The following OPRM1 variants were observed in gnomAD, a reference collection of about 807,000 sequenced individuals.
The protein encoded by OPRM1 is mu-type opioid receptor.
In OPRM1, 27 loss-of-function variants were observed where a neutral mutation model predicts 31.8. The ratio of observed to expected loss-of-function variants is 0.85; its 90% CI spans 0.63 to 1.17. OPRM1 has a LOEUF of 1.17. Ranked by LOEUF, OPRM1 falls within the 50% of genes most tolerant of loss-of-function variation. OPRM1 has a pLI of 0.00. For synonymous variants in OPRM1, 196 were observed against 189.9 expected, an observed-to-expected ratio of 1.03 and a Z score of -0.26; for missense variants, 536 against 511.1, an observed-to-expected ratio of 1.05 and a Z score of -0.47.
chr6:154,142,053 G>A (rs1232720522), intron 3 of OPRM1, among the ~76,000 whole-genome samples: 2 of 152,152 alleles, frequency 1.3e-5, no homozygotes. Flanking sequence ...GCATTTGAAA[G>A]TTGGAAAAGA....
intron 3 of OPRM1, among the ~76,000 whole-genome samples, chr6:154,140,433 C>T (rs540220836): frequency 1.3e-5 from 2 of 152,008 alleles, no homozygotes; most frequent in South Asian, 2.1e-4. Context: ...CAGGTTCAAG[C>T]GATTCTCCTG....
At chr6:154,232,913 A>G (rs1014057562) in intron 3 of OPRM1, among the ~76,000 whole-genome samples, 1 of 152,174 alleles carries the variant, frequency 6.6e-6, no homozygotes, top group Non-Finnish European at 1.5e-5. Flanking sequence ...GGTGAAAAGA[A>G]AACAAAAGAG....
intron 1 of OPRM1, among the ~76,000 whole-genome samples, chr6:154,016,904 C>G (rs1325703063): frequency 6.6e-6 from 1 of 152,038 alleles, no homozygotes; most frequent in Non-Finnish European, 1.5e-5. Context: ...TCTCTGAAAA[C>G]AAACAGAAAA....
At chr6:154,186,516 T>C (rs1162873252) in intron 3 of OPRM1, among the ~76,000 whole-genome samples, 3 of 151,884 alleles carry the variant, frequency 2.0e-5, no homozygotes, top group Non-Finnish European at 4.4e-5. Flanking sequence ...AGATGCTCCC[T>C]CATGTCCGTG....
At chr6:154,169,867 G>A (rs557829870) in intron 3 of OPRM1, among the ~76,000 whole-genome samples, 1 of 152,338 alleles carries the variant, frequency 6.6e-6, no homozygotes, top group Non-Finnish European at 1.5e-5. Flanking sequence ...CCAAGACTTT[G>A]GAGTATCAGA....
At chr6:154,051,938 CAATG>C (rs1172061592) in intron 1 of OPRM1, among the ~76,000 whole-genome samples, 3 of 152,060 alleles carry the variant, frequency 2.0e-5, no homozygotes, top group Admixed American at 2.0e-4. Flanking sequence ...AAATGCCCAT[CAATG>C]ATAGGTTGGA....
chr6:154,203,080 A>G (rs1777201718), intron 3 of OPRM1, among the ~76,000 whole-genome samples: 1 of 152,206 alleles, frequency 6.6e-6, no homozygotes, highest in African/African-American at 2.4e-5. Flanking sequence ...TATTTCTAAC[A>G]TTCTGGAGAA....
chr6:154,117,858 G>GGTGTGTGTGTGTGTGTGTGT (rs60794328), intron 3 of OPRM1, among the ~76,000 whole-genome samples: 89 of 145,656 alleles, frequency 6.1e-4, no homozygotes, highest in African/African-American at 1.4e-3. Context: ...TTAAAAAGAT[G>GGTGTGTGTGTGTGTGTGTGT]GTGTGTGTGT....
intron 3 of OPRM1, chr6:154,110,359 T>C (rs780125425): frequency 1.7e-5 from 25 of 1,430,916 alleles, no homozygotes; most frequent in East Asian, 2.5e-5. Context: ...TTGCAGAAAA[T>C]AGATTTATTT....
intron 1 of OPRM1, among the ~76,000 whole-genome samples, chr6:154,061,075 A>G (rs1784303249): frequency 6.6e-6 from 1 of 152,214 alleles, no homozygotes; most frequent in Admixed American, 6.6e-5. Flanking sequence ...TGGAAACTAG[A>G]TACATGGCAG....
downstream of OPRM1, among the ~76,000 whole-genome samples, chr6:154,133,238 T>C (rs1379068086): frequency 1.3e-5 from 2 of 152,232 alleles, no homozygotes; most frequent in Non-Finnish European, 2.9e-5. Flanking sequence ...TATGTCCCTA[T>C]ATGTAAAAAT....
Position 154,039,686 on chromosome 6 carries a change from A to C in OPRM1, c.142A>C (p.Asn48His). 6.2e-7 allele frequency: 1 copy of C among 1,614,012 alleles called. No homozygotes were observed. Among genetic ancestry groups the C allele is most frequent in the Admixed American group, 1.7e-5 (1 of 60,024 alleles). ...CAACCTGTCCGACCCATGCGGTCCG[A>C]ACCGCACCGACCTGGGCGGGAGAGA... ...DGNLSDPCGP[N>H]RTDLGGRDSL... The change falls in exon 1 of 4, where the codon AAC (asparagine) becomes CAC (histidine). Residue 48 changes from asparagine to histidine, a missense_variant. Coordinates refer to ENST00000330432, the MANE Select transcript of OPRM1 (RefSeq NM_000914.5).
At chr6:154,197,772 T>A (rs1776732684) in intron 3 of OPRM1, among the ~76,000 whole-genome samples, 1 of 152,328 alleles carries the variant, frequency 6.6e-6, no homozygotes, top group South Asian at 2.1e-4. Flanking sequence ...TGGGAAAGAA[T>A]GCAAATGGGA....
In OPRM1 at chr6:154,118,829, C is replaced by G. The variant is rs986844324; in HGVS notation, c.*108C>G. 4 of 1,546,636 alleles carry G rather than the reference C, an allele frequency of 2.6e-6. No individual in the cohort carries two copies. The highest frequency in any genetic ancestry group is 2.7e-5 in the African/African-American group (2 of 72,846). ...AGGCTCTAATTCTCTAGGAAAGTGC[C>G]TGCTTTTAGGTCATCCAACCTCTTT... On this transcript the variant is annotated 3_prime_UTR_variant, in exon 4 of 4. Coordinates refer to ENST00000330432, the MANE Select transcript of OPRM1 (RefSeq NM_000914.5).
At chr6:154,031,462 C>T (rs553244831) in intron 1 of OPRM1, among the ~76,000 whole-genome samples, 17 of 152,112 alleles carry the variant, frequency 1.1e-4, no homozygotes, top group East Asian at 3.9e-4. Context: ...TGGCTGGGTG[C>T]GGTGGCTCAC....
intron 3 of OPRM1, chr6:154,167,969 G>A (rs768383479): frequency 6.2e-6 from 10 of 1,607,094 alleles, no homozygotes; most frequent in Non-Finnish European, 8.5e-6. Context: ...CTCGTTTATA[G>A]ATGGATTTTT....
At chr6:154,021,123 G>A (rs1778341491) in intron 1 of OPRM1, among the ~76,000 whole-genome samples, 1 of 152,106 alleles carries the variant, frequency 6.6e-6, no homozygotes. Context: ...AATCCATTTT[G>A]AGCTGATGTT....
intron 3 of OPRM1, among the ~76,000 whole-genome samples, chr6:154,106,198 T>C (rs1415599792): frequency 6.6e-6 from 1 of 152,242 alleles, no homozygotes; most frequent in African/African-American, 2.4e-5. Flanking sequence ...CTTCTTATAA[T>C]TTTTCACCAA....
intron 3 of OPRM1, among the ~76,000 whole-genome samples, chr6:154,161,838 G>A (rs1281462682): frequency 6.6e-6 from 1 of 152,174 alleles, no homozygotes; most frequent in African/African-American, 2.4e-5. Context: ...AGGACAGCAT[G>A]TGTGAAACTA....
Sources: gnomAD v4.1 joint callset for allele counts (sites outside exome capture counted in the v4.1 genomes callset) on GRCh38, gnomAD v4.1.1 for gene constraint, MANE v1.5 for transcripts, NCBI Gene and HGNC (gene_info 2026-07-23, HGNC 2026-07-21) for gene names.